DYTN: variants seen among roughly 807,000 people sequenced by gnomAD.
DYTN encodes the protein dystrotelin.
A neutral mutation model predicts 69.6 loss-of-function variants in DYTN; 75 were observed. The observed-to-expected ratio is 1.08, with a 90% CI of 0.89 to 1.31. The LOEUF is 1.31. Among genes scored for constraint, DYTN ranks in the 50% most tolerant of loss-of-function variants. The pLI is 0.00. For missense variants in DYTN, 726 were observed against 688.4 expected, an observed-to-expected ratio of 1.05 and a Z score of -0.61; for synonymous variants, 252 against 249.1, an observed-to-expected ratio of 1.01 and a Z score of -0.11.
intron 5 of DYTN, among the ~76,000 whole-genome samples, chr2:206,704,570 T>C (rs1203026250): frequency 6.6e-6 from 1 of 152,224 alleles, no homozygotes; most frequent in African/African-American, 2.4e-5. Flanking sequence ...TAAAGTTAAC[T>C]TGTAGCAAAC....
At chr2:206,707,842 C>G (rs1337860080) in intron 2 of DYTN, among the ~76,000 whole-genome samples, 2 of 152,154 alleles carry the variant, frequency 1.3e-5, no homozygotes, top group Non-Finnish European at 2.9e-5. Context: ...AGTTATGACA[C>G]TGTGGTAAAA....
At chr2:206,714,191 GC>G (rs1348192675) in intron 1 of DYTN, among the ~76,000 whole-genome samples, 1 of 152,040 alleles carries the variant, frequency 6.6e-6, no homozygotes, top group Non-Finnish European at 1.5e-5. Context: ...GTGTTTAAGG[GC>G]CACTCTTTTT....
intron 9 of DYTN, among the ~76,000 whole-genome samples, chr2:206,670,010 G>A (rs1442732486): frequency 1.3e-5 from 2 of 152,188 alleles, no homozygotes; most frequent in Non-Finnish European, 2.9e-5. Context: ...CAGGAATTCT[G>A]TCTTCTAAAG....
rs1354959762 is a variant in DYTN at position 206,705,781 on chromosome 2, A to T, written c.382+7T>A. On this transcript the variant is annotated splice_region_variant and intron_variant, in intron 4 of 11. Transcript: ENST00000452335. ...CTTTAGGACACCCGCAGTCCTCTGC[A>T]TGTTACCTCGGTATTTTGAAAGAGG... The T allele has an allele frequency of 2.2e-5, 36 of 1,613,280 alleles. No homozygotes were observed. Among genetic ancestry groups the T allele is most frequent in the Non-Finnish European group, 3.0e-5 (35 of 1,179,716 alleles).
At chr2:206,692,552 G>T (rs1440767779) in intron 9 of DYTN, among the ~76,000 whole-genome samples, 1 of 152,166 alleles carries the variant, frequency 6.6e-6, no homozygotes, top group African/African-American at 2.4e-5. Context: ...ATAAATGCAT[G>T]CATAGAGATG....
chr2:206,697,967 A>G (rs1699938840), intron 7 of DYTN, among the ~76,000 whole-genome samples: 1 of 152,198 alleles, frequency 6.6e-6, no homozygotes, highest in Admixed American at 6.5e-5. Context: ...AATAATTTTG[A>G]AAACATATTT....
chr2:206,702,258 TA>T (rs1699983981), intron 5 of DYTN, among the ~76,000 whole-genome samples: 2 of 152,360 alleles, frequency 1.3e-5, no homozygotes, highest in African/African-American at 4.8e-5. Flanking sequence ...CACCTCCATT[TA>T]TTCCCATTTG....
chr2:206,695,149 T>C (rs1699907335), intron 7 of DYTN, among the ~76,000 whole-genome samples: 1 of 152,206 alleles, frequency 6.6e-6, no homozygotes, highest in Non-Finnish European at 1.5e-5. Flanking sequence ...TTTCCCAAAA[T>C]ACGAAGTGCC....
intron 8 of DYTN, among the ~76,000 whole-genome samples, chr2:206,693,740 G>A (rs1043914619): frequency 9.9e-5 from 15 of 152,136 alleles, no homozygotes; most frequent in Non-Finnish European, 1.8e-4. Flanking sequence ...AGGCTCACCC[G>A]AAATCCATTT....
chr2:206,688,252 T>C (rs1699832826), intron 9 of DYTN, among the ~76,000 whole-genome samples: 2 of 152,192 alleles, frequency 1.3e-5, no homozygotes, highest in Admixed American at 1.3e-4. Context: ...ATATTGTTGA[T>C]TCATTAGCAT....
Position 206,665,131 on chromosome 2 carries a change from A to G in DYTN, c.1140+739T>C, listed in dbSNP as rs80351346. 1.3e-3 allele frequency among the ~76,000 whole-genome samples: 201 copies of G among 152,306 alleles called. 1 individual carries two copies. Among genetic ancestry groups the G allele is most frequent in the African/African-American group, 3.9e-3 (164 of 41,562 alleles). ...AATCTGTGTGAGGCCTGATTTCTTC[A>G]GATACTTCAACCGAAACACATTGCA... On this transcript the variant is annotated intron_variant, in intron 10 of 11. Transcript: ENST00000452335.
chr2:206,674,090 A>G (rs1699656352), intron 9 of DYTN, among the ~76,000 whole-genome samples: 1 of 152,092 alleles, frequency 6.6e-6, no homozygotes, highest in African/African-American at 2.4e-5. Flanking sequence ...GGTCTACTCT[A>G]CTCTTCCAGA....
At chr2:206,716,125 A>G (rs1265539439) in intron 1 of DYTN, among the ~76,000 whole-genome samples, 1 of 152,138 alleles carries the variant, frequency 6.6e-6, no homozygotes, top group African/African-American at 2.4e-5. Flanking sequence ...AAGAAAAAGA[A>G]AGAAAGAAAG....
intron 11 of DYTN, 78 bp downstream of exon 11, chr2:206,662,825 C>T (rs1699527464): frequency 2.6e-6 from 4 of 1,530,912 alleles, no homozygotes; most frequent in Non-Finnish European, 3.5e-6. Context: ...AGCTGTTGGG[C>T]TGTTATAAAA....
intron 9 of DYTN, among the ~76,000 whole-genome samples, chr2:206,669,780 T>C (rs1195238668): frequency 1.3e-5 from 2 of 152,258 alleles, no homozygotes; most frequent in Non-Finnish European, 2.9e-5. Flanking sequence ...TTTTAATATT[T>C]AAATTATTTT....
chr2:206,665,055 T>A (rs1026973126), intron 10 of DYTN, among the ~76,000 whole-genome samples: 3 of 152,226 alleles, frequency 2.0e-5, no homozygotes, highest in African/African-American at 7.2e-5. Flanking sequence ...AAGAGAAGTA[T>A]GCCTCGGTAT....
At chr2:206,689,700 C>T (rs950876436) in intron 9 of DYTN, among the ~76,000 whole-genome samples, 1 of 152,170 alleles carries the variant, frequency 6.6e-6, no homozygotes, top group African/African-American at 2.4e-5. Context: ...TGGCCACACA[C>T]GTGGTTAGTT....
chr2:206,707,251 T>G, intron 3 of DYTN, 51 bp downstream of exon 3: 2 of 1,571,612 alleles, frequency 1.3e-6, no homozygotes, highest in Non-Finnish European at 1.7e-6. Context: ...AAATGACCAC[T>G]GGAAACTAAA....
intron 11 of DYTN, among the ~76,000 whole-genome samples, chr2:206,661,221 A>G (rs1198653669): frequency 6.6e-6 from 1 of 152,188 alleles, no homozygotes; most frequent in Non-Finnish European, 1.5e-5. Context: ...GACTGTGAGA[A>G]AATATATTTT....
Sources: gnomAD v4.1 joint callset for allele counts (sites outside exome capture counted in the v4.1 genomes callset) on GRCh38, gnomAD v4.1.1 for gene constraint, MANE v1.5 for transcripts, NCBI Gene and HGNC (gene_info 2026-07-23, HGNC 2026-07-21) for gene names.